The following LUZP2 variants were observed in gnomAD, a reference collection of about 807,000 sequenced individuals.
The protein encoded by LUZP2 is leucine zipper protein 2.
In LUZP2, 52 loss-of-function variants were observed where a neutral mutation model predicts 51.6. The ratio of observed to expected loss-of-function variants is 1.01; its 90% CI spans 0.81 to 1.27. The LOEUF is 1.27. Ranked by LOEUF, LUZP2 falls within the 50% of genes most tolerant of loss-of-function variation. The pLI, the probability that LUZP2 is intolerant of heterozygous loss-of-function variation, is 0.00. For missense variants in LUZP2, 436 were observed against 395.4 expected (o/e 1.10, Z -0.87); for synonymous variants, 154 against 137.3 (o/e 1.12, Z -0.85).
intron 1 of LUZP2, among the ~76,000 whole-genome samples, chr11:24,623,137 G>A (rs1854557262): frequency 1.3e-5 from 2 of 151,600 alleles, no homozygotes; most frequent in Admixed American, 1.3e-4. Flanking sequence ...AGAGAGAGAA[G>A]CAGGCATTTA....
rs923130868 is a variant in LUZP2 at position 25,081,187 on chromosome 11, C to A, written c.*2529C>A. On this transcript the variant is annotated 3_prime_UTR_variant, in exon 12 of 12. Coordinates refer to ENST00000336930, the MANE Select transcript of LUZP2 (RefSeq NM_001009909.4). ...TAGCTGGGATTACAGGTACCTGCCA[C>A]CATGCCCGGCTAATTTTTATATTTT... The A allele has an allele frequency of 2.0e-5, 3 of 151,820 alleles. No homozygotes were observed. The highest frequency in any genetic ancestry group is 2.9e-5 in the Non-Finnish European group (2 of 67,996). 9.4% of individuals were successfully genotyped at this position (151,820 alleles called of 1,614,324 possible). A position where few individuals can be genotyped will look rare whatever the true frequency, so the allele number is the denominator to read the frequency against.
At chr11:24,979,204 A>T (rs1334888724) in intron 8 of LUZP2, among the ~76,000 whole-genome samples, 2 of 151,824 alleles carry the variant, frequency 1.3e-5, no homozygotes, top group Admixed American at 6.6e-5. Flanking sequence ...ACTGAATGAG[A>T]TCACAGACTG....
intron 7 of LUZP2, among the ~76,000 whole-genome samples, chr11:24,928,612 A>G (rs918159275): frequency 2.0e-5 from 3 of 151,944 alleles, no homozygotes; most frequent in Non-Finnish European, 4.4e-5. Flanking sequence ...TTTTTGAAAT[A>G]CTGTTGGATT....
chr11:24,658,825 C>T (rs1188726649), intron 1 of LUZP2, among the ~76,000 whole-genome samples: 1 of 152,208 alleles, frequency 6.6e-6, no homozygotes, highest in Non-Finnish European at 1.5e-5. Flanking sequence ...AAAAAATGCT[C>T]ATCATCACTG....
At chr11:25,046,760 A>G (rs142938263) in intron 9 of LUZP2, among the ~76,000 whole-genome samples, 62 of 152,308 alleles carry the variant, frequency 4.1e-4, no homozygotes, top group East Asian at 1.2e-3. Context: ...AAAAATCATC[A>G]ACTATAATAT....
At chr11:24,597,379 G>T (rs940560498) in intron 1 of LUZP2, among the ~76,000 whole-genome samples, 1 of 152,114 alleles carries the variant, frequency 6.6e-6, no homozygotes, top group Non-Finnish European at 1.5e-5. Flanking sequence ...TTCCATATGG[G>T]ATAAAACACA....
At chr11:24,845,830 A>G (rs577780272) in intron 5 of LUZP2, among the ~76,000 whole-genome samples, 42 of 152,246 alleles carry the variant, frequency 2.8e-4, no homozygotes, top group African/African-American at 1.0e-3. Flanking sequence ...CTCCCCAGCC[A>G]TGTGGAACCA....
chr11:24,999,786 C>T (rs1054427301), intron 9 of LUZP2, among the ~76,000 whole-genome samples: 3 of 152,180 alleles, frequency 2.0e-5, no homozygotes, highest in African/African-American at 7.2e-5. Context: ...GAATTGGTTC[C>T]TTCTGGTGGG....
At chr11:24,692,271 C>T (rs1857096747) in intron 1 of LUZP2, among the ~76,000 whole-genome samples, 1 of 151,906 alleles carries the variant, frequency 6.6e-6, no homozygotes, top group South Asian at 2.1e-4. Flanking sequence ...CCAACTCATC[C>T]TATGCAGAAG....
At chr11:24,574,858 T>G (rs943514781) in intron 1 of LUZP2, among the ~76,000 whole-genome samples, 1 of 152,046 alleles carries the variant, frequency 6.6e-6, no homozygotes, top group Non-Finnish European at 1.5e-5. Context: ...TGATAGAAAA[T>G]TTATATCTTA....
chr11:24,861,538 C>A (rs1384538739), intron 5 of LUZP2, among the ~76,000 whole-genome samples: 3 of 152,028 alleles, frequency 2.0e-5, no homozygotes, highest in Non-Finnish European at 2.9e-5. Flanking sequence ...ATGCCCAACC[C>A]CAAGACACAT....
intron 1 of LUZP2, among the ~76,000 whole-genome samples, chr11:24,498,126 G>A (rs151221866): frequency 2.3e-3 from 350 of 152,216 alleles, no homozygotes; most frequent in African/African-American, 7.2e-3. Flanking sequence ...TTCCACAAGC[G>A]CAGCACAAAG....
At chr11:24,812,294 A>G (rs1158598493) in intron 5 of LUZP2, among the ~76,000 whole-genome samples, 1 of 152,174 alleles carries the variant, frequency 6.6e-6, no homozygotes, top group African/African-American at 2.4e-5. Flanking sequence ...ATTTACTGAA[A>G]ACACAGGTCA....
At chr11:24,940,300 A>G (rs1854707149) in intron 7 of LUZP2, among the ~76,000 whole-genome samples, 1 of 152,144 alleles carries the variant, frequency 6.6e-6, no homozygotes, top group Non-Finnish European at 1.5e-5. Context: ...GTAGACTCAC[A>G]TATTCAGGGT....
chr11:24,911,702 G>GACTAATACAGACTAAT (rs774738454), intron 6 of LUZP2, among the ~76,000 whole-genome samples: 4 of 152,120 alleles, frequency 2.6e-5, no homozygotes, highest in Non-Finnish European at 4.4e-5. Flanking sequence ...TGTGAGAACA[G>GACTAATACAGACTAAT]ACTAATACAG....
chr11:25,008,580 C>T (rs1213071073), intron 9 of LUZP2, among the ~76,000 whole-genome samples: 1 of 152,176 alleles, frequency 6.6e-6, no homozygotes, highest in African/African-American at 2.4e-5. Context: ...CCCTGTTGCT[C>T]AGCAAGTGGG....
intron 1 of LUZP2, among the ~76,000 whole-genome samples, chr11:24,590,464 C>T (rs1853220574): frequency 6.6e-6 from 1 of 152,074 alleles, no homozygotes; most frequent in African/African-American, 2.4e-5. Context: ...TGCATATCCT[C>T]AATTAGAAAT....
At position 24,844,150 on chromosome 11, in the gene LUZP2, C is replaced by G. The variant is rs556172890; in HGVS notation, c.397-61841C>G. On this transcript the variant is annotated intron_variant, in intron 5 of 11. Transcript: ENST00000336930. Reference sequence around the variant, plus strand: ...TGGAAAAATGTGGGAAAGTTTGAAACTCCATATAGACTTGTTGAATGGTTT... The same window carrying G: ...TGGAAAAATGTGGGAAAGTTTGAAAGTCCATATAGACTTGTTGAATGGTTT... Among the ~76,000 whole-genome samples the G allele has an allele frequency of 3.9e-5, 6 of 152,260 alleles. No homozygotes were observed. The South Asian group carries it at 1.2e-3, about 32-fold the overall frequency.
At chr11:24,777,303 C>A (rs1304324052) in intron 5 of LUZP2, among the ~76,000 whole-genome samples, 4 of 151,994 alleles carry the variant, frequency 2.6e-5, no homozygotes, top group African/African-American at 9.7e-5. Context: ...TGTAAGTAGT[C>A]TTTACTTAAG....
Sources: allele counts gnomAD v4.1 joint callset (sites outside exome capture counted in the v4.1 genomes callset), GRCh38; gene constraint gnomAD v4.1.1; transcripts MANE v1.5; gene names NCBI Gene and HGNC (gene_info 2026-07-23, HGNC 2026-07-21).